The following MED28 variants were observed in gnomAD, a reference collection of about 807,000 sequenced individuals.
The protein encoded by MED28 is mediator complex subunit 28, also known as mediator of RNA polymerase II transcription subunit 28.
MED28 carries 26 observed loss-of-function variants against 21.3 expected under a neutral mutation model. That is an observed-to-expected ratio of 1.22 (90% CI 0.89 to 1.69). The LOEUF (loss-of-function observed/expected upper bound fraction) is 1.69. MED28 is among the 40% of genes most tolerant of loss of function. The probability of loss-of-function intolerance (pLI) is 0.00; values close to 1 mark genes in which losing one functional copy is unlikely to be tolerated. For missense variants in MED28, 257 were observed against 215.4 expected (o/e 1.19, Z -1.21); for synonymous variants, 110 against 87.6 (o/e 1.26, Z -1.43).
rs1714927564 is a variant in MED28, at chr4:17,631,196, G to T, written c.*7398G>T. ...GCAAATGGCTCAAACCCAAAGACCAGAGGTTCAGGGGATATATATATATAT... is the reference window on the plus strand; with the variant it reads ...GCAAATGGCTCAAACCCAAAGACCATAGGTTCAGGGGATATATATATATAT... On this transcript the variant is annotated 3_prime_UTR_variant, in exon 4 of 4. Coordinates refer to ENST00000237380, the MANE Select transcript of MED28 (RefSeq NM_025205.5). 6.6e-6 allele frequency: 1 copy of T among 151,872 alleles called. No individual in the cohort carries two copies. The highest frequency in any genetic ancestry group is 2.4e-5 in the African/African-American group (1 of 41,152). The allele number at this position is 151,872 out of a possible 1,614,324, so 9.4% of individuals were successfully genotyped here. A position where few individuals can be genotyped will look rare whatever the true frequency, so the allele number is the denominator to read the frequency against.
intron 1 of MED28, among the ~76,000 whole-genome samples, chr4:17,617,617 C>G (rs1190865597): frequency 6.6e-6 from 1 of 152,144 alleles, no homozygotes. Context: ...AAAAGCTGTT[C>G]TCTTTCTAGG....
Position 17,626,508 on chromosome 4 carries a change from TAAG to T in MED28, c.*2714_*2716del, listed in dbSNP as rs1190453542. On this transcript the variant is annotated 3_prime_UTR_variant, in exon 4 of 4. Transcript: ENST00000237380. ...CCCACCTGTGGTTCCAGGGTGTTCTTAAGAAGCCAAGGTTGTCTTGGGTGTGGT... is the reference window on the plus strand; with the variant it reads ...CCCACCTGTGGTTCCAGGGTGTTCTTAAGCCAAGGTTGTCTTGGGTGTGGT... 2 of 152,204 alleles carry T rather than the reference TAAG, an allele frequency of 1.3e-5. No homozygotes were observed. The highest frequency in any genetic ancestry group is 2.9e-5 in the Non-Finnish European group (2 of 68,036). 9.4% of individuals were successfully genotyped at this position (152,204 alleles called of 1,614,324 possible).
chr4:17,619,459 A>C (rs950430848), intron 1 of MED28, among the ~76,000 whole-genome samples: 1 of 152,218 alleles, frequency 6.6e-6, no homozygotes, highest in African/African-American at 2.4e-5. Context: ...AAAACAATAA[A>C]ACTGTGCTTG....
At position 17,632,858 on chromosome 4, in the gene MED28, TC is replaced by T. The variant is rs945137561; in HGVS notation, c.*9062del. The T allele has an allele frequency of 2.6e-6, 1 of 388,746 alleles. No homozygotes were observed. The highest frequency in any genetic ancestry group is 2.0e-5 in the African/African-American group (1 of 49,674). 24.1% of individuals were successfully genotyped at this position (388,746 alleles called of 1,614,324 possible). ...TCACCATTGTTTGGTTCTCCATTGT[TC>T]CTTTGAGACTTAGTGGTTGTAGCTC... is the stretch of plus-strand genomic sequence containing the variant. On this transcript the variant is annotated 3_prime_UTR_variant, in exon 4 of 4. Transcript: ENST00000237380.
At chr4:17,614,875 G>C in intron 1 of MED28, 62 bp downstream of exon 1, 1 of 1,514,364 alleles carries the variant, frequency 6.6e-7, no homozygotes, top group Non-Finnish European at 8.9e-7. Flanking sequence ...CGTGAACTGC[G>C]CGTACGCGTA....
In MED28 at chr4:17,631,269, C is replaced by G. The variant is rs1714931142; in HGVS notation, c.*7471C>G. 1 of 152,032 alleles carries G rather than the reference C, an allele frequency of 6.6e-6. No homozygotes were observed. Among genetic ancestry groups the G allele is most frequent in the Non-Finnish European group, 1.5e-5 (1 of 68,042 alleles). 9.4% of individuals were successfully genotyped at this position (152,032 alleles called of 1,614,324 possible). ...ATCTCACTATCTTGCCCAGGCTGGTCTCGAACTCTTGGGCTCATGCTGTCC... is the reference window on the plus strand; with the variant it reads ...ATCTCACTATCTTGCCCAGGCTGGTGTCGAACTCTTGGGCTCATGCTGTCC... On this transcript the variant is annotated 3_prime_UTR_variant, in exon 4 of 4. Transcript: ENST00000237380.
At chr4:17,619,570 G>A (rs1714558454) in intron 1 of MED28, among the ~76,000 whole-genome samples, 1 of 152,188 alleles carries the variant, frequency 6.6e-6, no homozygotes, top group African/African-American at 2.4e-5. Flanking sequence ...GGGTGGTGAT[G>A]TGAGTTGTGT....
Position 17,633,769 on chromosome 4 carries a change from T to C in MED28, c.*9971T>C, listed in dbSNP as rs1715036655. 6.4e-7 allele frequency: 1 copy of C among 1,551,536 alleles called. No individual in the cohort carries two copies. Among genetic ancestry groups the C allele is most frequent in the Non-Finnish European group, 8.7e-7 (1 of 1,146,942 alleles). On this transcript the variant is annotated 3_prime_UTR_variant, in exon 4 of 4. Transcript: ENST00000237380. The stretch of plus-strand genomic sequence containing the variant: ...TGGGGCTTGGGTCCAAGCTGGGTGA[T>C]GTAGTTATTGGAGGGGCATTAATCC...
chr4:17,632,510 G>A lies in MED28; in HGVS notation c.*8712G>A, dbSNP rs1714983996. ...AATAAATGTTTTTCAAGTATCCTCT[G>A]TGATGTATCCCAAAGGTTAGCTTAG... On this transcript the variant is annotated 3_prime_UTR_variant, in exon 4 of 4. Transcript: ENST00000237380. 6.6e-7 allele frequency: 1 copy of A among 1,514,040 alleles called. No individual in the cohort carries two copies. Among genetic ancestry groups the A allele is most frequent in the Non-Finnish European group, 9.0e-7 (1 of 1,115,042 alleles). The allele number at this position is 1,514,040 out of a possible 1,614,324, so 93.8% of individuals were successfully genotyped here.
In MED28 at chr4:17,625,801, G is replaced by A. The variant is rs944659010; in HGVS notation, c.*2003G>A. The A allele has an allele frequency of 2.8e-6, 1 of 360,614 alleles. No individual in the cohort carries two copies. 22.3% of individuals were successfully genotyped at this position (360,614 alleles called of 1,614,324 possible). A position where few individuals can be genotyped will look rare whatever the true frequency, so the allele number is the denominator to read the frequency against. Reference sequence around the variant, plus strand: ...AAGCACTGCTCTGGTACTGGGGAGTGGAGTATTATGTCTTGGAAGAGACTC... The same window carrying A: ...AAGCACTGCTCTGGTACTGGGGAGTAGAGTATTATGTCTTGGAAGAGACTC... On this transcript the variant is annotated 3_prime_UTR_variant, in exon 4 of 4. Coordinates refer to ENST00000237380, the MANE Select transcript of MED28 (RefSeq NM_025205.5).
chr4:17,621,811 A>G, intron 3 of MED28, 112 bp downstream of exon 3: 4 of 747,384 alleles, frequency 5.4e-6, no homozygotes, highest in Non-Finnish European at 6.8e-6. Context: ...TTCAGGCTTT[A>G]TAGGTCAGTG....
chr4:17,620,354 G>GTTTTT (rs34093588), intron 2 of MED28, among the ~76,000 whole-genome samples: 1 of 141,228 alleles, frequency 7.1e-6, no homozygotes, highest in African/African-American at 2.6e-5. Flanking sequence ...TATTTTACAT[G>GTTTTT]TTTTTTTTTT....
rs530441894 is a variant in MED28 at position 17,625,575 on chromosome 4, C to T, written c.*1777C>T. ...AGTGAAAAGATTTTGAATTACTGTA[C>T]GTACCAGTTGTTGCCATTTCTTTAT... is the stretch of plus-strand genomic sequence containing the variant. On this transcript the variant is annotated 3_prime_UTR_variant, in exon 4 of 4. Coordinates refer to ENST00000237380, the MANE Select transcript of MED28 (RefSeq NM_025205.5). 84 of 415,636 alleles carry T rather than the reference C, an allele frequency of 2.0e-4. No individual in the cohort carries two copies. Among genetic ancestry groups the T allele is most frequent in the South Asian group, 1.2e-3 (68 of 56,754 alleles). The allele number at this position is 415,636 out of a possible 1,614,324, so 25.7% of individuals were successfully genotyped here. A position where few individuals can be genotyped will look rare whatever the true frequency, so the allele number is the denominator to read the frequency against.
intron 1 of MED28, among the ~76,000 whole-genome samples, chr4:17,619,369 C>A (rs1714550581): frequency 6.6e-6 from 1 of 152,138 alleles, no homozygotes; most frequent in South Asian, 2.1e-4. Context: ...GTGAATAAGA[C>A]AGACAAAATT....
Position 17,624,048 on chromosome 4 carries a change from T to G in MED28, c.*250T>G. The G allele has an allele frequency of 2.1e-6, 1 of 478,196 alleles. No individual in the cohort carries two copies. The highest frequency in any genetic ancestry group is 3.8e-6 in the Non-Finnish European group (1 of 266,098). 29.6% of individuals were successfully genotyped at this position (478,196 alleles called of 1,614,324 possible). On this transcript the variant is annotated 3_prime_UTR_variant, in exon 4 of 4. Transcript: ENST00000237380. ...TTTGTCTTTAGCAAAGTTTAGACTG[T>G]GAATATGATGACACAGATTCTTTTT...
In MED28 at chr4:17,624,047, G is replaced by A; in HGVS notation, c.*249G>A. On this transcript the variant is annotated 3_prime_UTR_variant, in exon 4 of 4. Transcript: ENST00000237380. ...TTTTGTCTTTAGCAAAGTTTAGACT[G>A]TGAATATGATGACACAGATTCTTTT... is the stretch of plus-strand genomic sequence containing the variant. 2.1e-6 allele frequency: 1 copy of A among 485,926 alleles called. No homozygotes were observed. Among genetic ancestry groups the A allele is most frequent in the Non-Finnish European group, 3.7e-6 (1 of 270,454 alleles). The allele number at this position is 485,926 out of a possible 1,614,324, so 30.1% of individuals were successfully genotyped here.
rs1396941098 is a variant in MED28, at chr4:17,625,725, C to G, written c.*1927C>G. 4.6e-6 allele frequency: 2 copies of G among 435,586 alleles called. No individual in the cohort carries two copies. The highest frequency in any genetic ancestry group is 4.1e-5 in the African/African-American group (2 of 49,268). 27.0% of individuals were successfully genotyped at this position (435,586 alleles called of 1,614,324 possible). A position where few individuals can be genotyped will look rare whatever the true frequency, so the allele number is the denominator to read the frequency against. On this transcript the variant is annotated 3_prime_UTR_variant, in exon 4 of 4. Coordinates refer to ENST00000237380, the MANE Select transcript of MED28 (RefSeq NM_025205.5). ...CTGCTAACTTTTTCAGGGAGAAAAT[C>G]ACAAGCCATCTTCTCAAGTTCCCCT...
In MED28 at chr4:17,633,611, G is replaced by A. The variant is rs1037931370; in HGVS notation, c.*9813G>A. 13 of 1,289,360 alleles carry A rather than the reference G, an allele frequency of 1.0e-5. No individual in the cohort carries two copies. In the African/African-American group the frequency reaches 1.8e-4, roughly 18 times the overall value. 79.9% of individuals were successfully genotyped at this position (1,289,360 alleles called of 1,614,324 possible). A position where few individuals can be genotyped will look rare whatever the true frequency, so the allele number is the denominator to read the frequency against. On this transcript the variant is annotated 3_prime_UTR_variant, in exon 4 of 4. Coordinates refer to ENST00000237380, the MANE Select transcript of MED28 (RefSeq NM_025205.5). ...AAGGCCTTCTGGAATTTGGTACCAG[G>A]TGCTAGAAAGAATCCTACTTCCCCT...
rs1715046216 is a variant in MED28 at position 17,633,966 on chromosome 4, C to CTCACCCAATCAAAATTG, written c.*10170_*10186dup. ...AGCATTATTGTAAAAGCAAATAATG[C>CTCACCCAATCAAAATTG]TCACCCAATCAAAATTGTATCGGAG... On this transcript the variant is annotated 3_prime_UTR_variant, in exon 4 of 4. Coordinates refer to ENST00000237380, the MANE Select transcript of MED28 (RefSeq NM_025205.5). 2.6e-6 allele frequency: 3 copies of CTCACCCAATCAAAATTG among 1,159,210 alleles called. No individual in the cohort carries two copies. Among genetic ancestry groups the CTCACCCAATCAAAATTG allele is most frequent in the Non-Finnish European group, 3.4e-6 (3 of 878,276 alleles). The allele number at this position is 1,159,210 out of a possible 1,614,324, so 71.8% of individuals were successfully genotyped here.
Sources: allele counts gnomAD v4.1 joint callset (sites outside exome capture counted in the v4.1 genomes callset), GRCh38; gene constraint gnomAD v4.1.1; transcripts MANE v1.5; gene names NCBI Gene and HGNC (gene_info 2026-07-23, HGNC 2026-07-21).